The following AFF2 variants were observed in gnomAD, a reference collection of about 807,000 sequenced individuals.
The protein encoded by AFF2 is ALF transcription elongation factor 2.
Under a neutral mutation model 76.9 loss-of-function variants are expected in AFF2, and 14 were observed. The observed-to-expected ratio is 0.18, with a 90% CI of 0.12 to 0.28. AFF2 has a LOEUF of 0.28. AFF2 is among the 10% of genes least tolerant of loss of function. The pLI, the probability that AFF2 is intolerant of heterozygous loss-of-function variation, is 1.00. For synonymous variants in AFF2, 398 were observed against 366.7 expected, an observed-to-expected ratio of 1.09 and a Z score of -0.98; for missense variants, 868 against 1,001.1, an observed-to-expected ratio of 0.87 and a Z score of 1.79.
chrX:148,780,941 G>A (rs1204933272), intron 3 of AFF2, among the ~76,000 whole-genome samples: 1 of 111,838 alleles, frequency 8.9e-6, no homozygotes, highest in Non-Finnish European at 1.9e-5. Context: ...TTTTTGCATG[G>A]TCATCCTTTT....
At chrX:148,527,624 G>A (rs1267323904) in intron 1 of AFF2, among the ~76,000 whole-genome samples, 2 of 111,561 alleles carry the variant, frequency 1.8e-5, no homozygotes, top group African/African-American at 6.5e-5. Context: ...GGGCTATCAT[G>A]ACTGCCAATT....
intron 1 of AFF2, among the ~76,000 whole-genome samples, chrX:148,591,540 G>T (rs1258998722): frequency 8.9e-6 from 1 of 112,542 alleles, no homozygotes; most frequent in Non-Finnish European, 1.9e-5. Context: ...ATACCAAAAA[G>T]TGCCACGCAT....
intron 3 of AFF2, among the ~76,000 whole-genome samples, chrX:148,767,269 A>G (rs2069530707): frequency 9.0e-6 from 1 of 111,466 alleles, no homozygotes; most frequent in South Asian, 3.8e-4. Flanking sequence ...TGTATGTTAA[A>G]TAATTGTTGA....
intron 1 of AFF2, among the ~76,000 whole-genome samples, chrX:148,610,948 A>G (rs1246464811): frequency 8.9e-6 from 1 of 112,291 alleles, no homozygotes; most frequent in East Asian, 2.8e-4. Context: ...GGAGGAAACA[A>G]CACTGAATGA....
chrX:148,587,075 CAT>C (rs1489180512), intron 1 of AFF2, among the ~76,000 whole-genome samples: 1 of 111,798 alleles, frequency 8.9e-6, no homozygotes, highest in African/African-American at 3.3e-5. Context: ...TCCTTGCTCT[CAT>C]CACTCTAGCC....
chrX:148,666,652 T>C (rs952966711), intron 3 of AFF2, among the ~76,000 whole-genome samples: 2 of 109,775 alleles, frequency 1.8e-5, no homozygotes, highest in African/African-American at 6.6e-5. Context: ...TGTCATAGAG[T>C]TTATTAACAT....
At chrX:148,962,648 TC>T (rs1172518403) in intron 12 of AFF2, 66 bp from the exon 13 acceptor site, 7 of 954,921 alleles carry the variant, frequency 7.3e-6, no homozygotes, top group African/African-American at 3.9e-5. Flanking sequence ...AGTACTAGCA[TC>T]ATGGGGAAAA....
intron 1 of AFF2, among the ~76,000 whole-genome samples, chrX:148,634,467 G>A (rs782485575): frequency 1.5e-4 from 17 of 111,581 alleles, no homozygotes; most frequent in Admixed American, 1.2e-3. Context: ...TAATTAAAGC[G>A]TCTTGTGTCA....
At chrX:148,755,706 TTATC>T (rs782126953) in intron 3 of AFF2, among the ~76,000 whole-genome samples, 26 of 112,042 alleles carry the variant, frequency 2.3e-4, no homozygotes, top group South Asian at 7.4e-4. Context: ...TGATTATCTG[TTATC>T]TATCTATCTA....
chrX:148,948,125 T>C (rs2071922019), intron 9 of AFF2, among the ~76,000 whole-genome samples: 1 of 112,434 alleles, frequency 8.9e-6, no homozygotes, highest in Admixed American at 9.4e-5. Context: ...GAGAAAGGGA[T>C]TTACAGTTAA....
intron 1 of AFF2, among the ~76,000 whole-genome samples, chrX:148,505,158 C>T (rs2124182982): frequency 8.9e-6 from 1 of 111,919 alleles, no homozygotes. Flanking sequence ...TTTGAGCATT[C>T]ATTCAACAAA....
chrX:148,923,423 G>A (rs1310869179), intron 9 of AFF2, among the ~76,000 whole-genome samples: 1 of 111,509 alleles, frequency 9.0e-6, no homozygotes, highest in Non-Finnish European at 1.9e-5. Context: ...AGCCAAAAGC[G>A]TCTTGTCAAA....
chrX:148,596,463 A>G (rs2053572905), intron 1 of AFF2, among the ~76,000 whole-genome samples: 1 of 111,830 alleles, frequency 8.9e-6, no homozygotes, highest in African/African-American at 3.3e-5. Flanking sequence ...TTGCTTGCAA[A>G]TCCAGTAGAG....
At chrX:148,591,398 G>T in intron 1 of AFF2, among the ~76,000 whole-genome samples, 1 of 112,079 alleles carries the variant, frequency 8.9e-6, no homozygotes, top group Admixed American at 9.5e-5. Context: ...CTACTGATTT[G>T]TTCTGGGCCT....
intron 3 of AFF2, among the ~76,000 whole-genome samples, chrX:148,798,255 C>T (rs1235954443): frequency 9.0e-6 from 1 of 111,623 alleles, no homozygotes. Flanking sequence ...ATGATAATGA[C>T]ATTAATTTAT....
chrX:148,581,072 C>CACATATGTGTATATGTAT (rs1569551592), intron 1 of AFF2, among the ~76,000 whole-genome samples: 2 of 62,607 alleles, frequency 3.2e-5, no homozygotes, highest in African/African-American at 1.1e-4. Flanking sequence ...TGTATATATA[C>CACATATGTGTATATGTAT]ACACATATAT....
intron 3 of AFF2, among the ~76,000 whole-genome samples, chrX:148,711,627 C>T (rs2054969112): frequency 8.9e-6 from 1 of 112,263 alleles, no homozygotes; most frequent in Non-Finnish European, 1.9e-5. Flanking sequence ...GGCATCTCCT[C>T]ATTCCCCTTG....
At chrX:148,688,999 G>T (rs782229162) in intron 3 of AFF2, among the ~76,000 whole-genome samples, 2 of 112,096 alleles carry the variant, frequency 1.8e-5, no homozygotes, top group African/African-American at 6.5e-5. Flanking sequence ...AGTTTGTTAG[G>T]TTGGCTATAA....
intron 7 of AFF2, among the ~76,000 whole-genome samples, chrX:148,856,043 AGT>A (rs1346539053): frequency 1.8e-5 from 2 of 111,622 alleles, no homozygotes; most frequent in East Asian, 5.6e-4. Context: ...AGAGGTCTCC[AGT>A]TGGAGAAAGA....
Sources: allele counts gnomAD v4.1 joint callset (sites outside exome capture counted in the v4.1 genomes callset), GRCh38; gene constraint gnomAD v4.1.1; transcripts MANE v1.5; gene names NCBI Gene and HGNC (gene_info 2026-07-23, HGNC 2026-07-21).